Variants in TENM3 observed in about 807,000 individuals in gnomAD.
TENM3 encodes teneurin transmembrane protein 3.
In TENM3, 63 loss-of-function variants were observed where a neutral mutation model predicts 255.1. The observed-to-expected ratio is 0.25, with a 90% CI of 0.20 to 0.30. TENM3 has a LOEUF of 0.30. Ranked by LOEUF, TENM3 falls within the 10% of genes least tolerant of loss-of-function variation. The pLI is 1.00. For synonymous variants in TENM3, 1,306 were observed against 1,322.3 expected, an observed-to-expected ratio of 0.99 and a Z score of 0.27; for missense variants, 2,929 against 3,461.1, an observed-to-expected ratio of 0.85 and a Z score of 3.86.
intron 24 of TENM3, among the ~76,000 whole-genome samples, chr4:182,787,372 G>C (rs958877584): frequency 6.6e-6 from 1 of 152,182 alleles, no homozygotes; most frequent in East Asian, 1.9e-4. Flanking sequence ...CACCACTCCG[G>C]ACTATCTGCT....
At chr4:182,344,814 C>T (rs971024694) in intron 2 of TENM3, among the ~76,000 whole-genome samples, 4 of 152,098 alleles carry the variant, frequency 2.6e-5, no homozygotes, top group African/African-American at 9.7e-5. Flanking sequence ...TTACAAGTGA[C>T]ATATAAATAG....
chr4:181,909,062 A>G, the TENM3 span, among the ~76,000 whole-genome samples: 2 of 152,008 alleles, frequency 1.3e-5, no homozygotes, highest in Admixed American at 1.3e-4. Flanking sequence ...TCCTTTCTGA[A>G]TTCATTTCTT....
intron 1 of TENM3, among the ~76,000 whole-genome samples, chr4:182,273,192 T>G (rs533053492): frequency 1.3e-5 from 2 of 152,330 alleles, no homozygotes; most frequent in South Asian, 4.1e-4. Flanking sequence ...CTGGGCACTA[T>G]GCCCTCTCAG....
chr4:181,711,084 A>G, the TENM3 span, among the ~76,000 whole-genome samples: 2 of 152,184 alleles, frequency 1.3e-5, no homozygotes, highest in Admixed American at 1.3e-4. Context: ...CCTTTTCTAC[A>G]TTAGAAAAAT....
At chr4:182,231,597 G>A (rs1756584841) in intron 1 of TENM3, among the ~76,000 whole-genome samples, 1 of 152,184 alleles carries the variant, frequency 6.6e-6, no homozygotes, top group African/African-American at 2.4e-5. Flanking sequence ...TCTGGCCAAA[G>A]GGTGATGCCC....
chr4:182,555,344 A>G (rs992880611), intron 3 of TENM3, among the ~76,000 whole-genome samples: 4 of 152,214 alleles, frequency 2.6e-5, no homozygotes, highest in Non-Finnish European at 5.9e-5. Context: ...CTGTAATACT[A>G]TGTAAGTCTT....
chr4:181,580,250 G>C, the TENM3 span, among the ~76,000 whole-genome samples: 1 of 151,886 alleles, frequency 6.6e-6, no homozygotes, highest in Non-Finnish European at 1.5e-5. Context: ...CACCAGCCTC[G>C]GCCTCCCAAC....
the TENM3 span, among the ~76,000 whole-genome samples, chr4:182,022,496 C>T: frequency 6.6e-6 from 1 of 150,518 alleles, no homozygotes; most frequent in East Asian, 2.0e-4. Flanking sequence ...ACACAATATG[C>T]CCATGTAACA....
the TENM3 span, among the ~76,000 whole-genome samples, chr4:181,734,876 G>A: frequency 6.6e-6 from 1 of 152,018 alleles, no homozygotes; most frequent in Non-Finnish European, 1.5e-5. Flanking sequence ...CTTGATAGAA[G>A]CAAAGCTTTT....
chr4:182,412,437 A>G (rs1399978658), intron 3 of TENM3, among the ~76,000 whole-genome samples: 1 of 152,244 alleles, frequency 6.6e-6, no homozygotes, highest in East Asian at 1.9e-4. Context: ...AATTAAATTT[A>G]TAAATAAAAT....
At chr4:181,922,945 C>T in the TENM3 span, among the ~76,000 whole-genome samples, 1 of 152,108 alleles carries the variant, frequency 6.6e-6, no homozygotes, top group Non-Finnish European at 1.5e-5. Flanking sequence ...TCTTTGTTCT[C>T]ATTGGTTTCA....
chr4:181,538,020 A>G, the TENM3 span, among the ~76,000 whole-genome samples: 1 of 152,090 alleles, frequency 6.6e-6, no homozygotes, highest in African/African-American at 2.4e-5. Flanking sequence ...TATTTGGTGA[A>G]TTTTTTTGTT....
At chr4:182,447,191 G>T (rs936373049) in intron 3 of TENM3, among the ~76,000 whole-genome samples, 1 of 151,910 alleles carries the variant, frequency 6.6e-6, no homozygotes, top group African/African-American at 2.4e-5. Context: ...GATCATTAAC[G>T]GAGGAATAGA....
the TENM3 span, among the ~76,000 whole-genome samples, chr4:181,498,792 T>A: frequency 6.6e-6 from 1 of 152,174 alleles, no homozygotes; most frequent in Admixed American, 6.5e-5. Flanking sequence ...AATATCACCC[T>A]GTCAGGGGTA....
chr4:182,292,078 A>G (rs796600980), intron 1 of TENM3, among the ~76,000 whole-genome samples: 2 of 152,248 alleles, frequency 1.3e-5, no homozygotes, highest in African/African-American at 4.8e-5. Context: ...TTTTTGCCAT[A>G]TGAGTGCCTT....
chr4:181,525,555 T>C, the TENM3 span, among the ~76,000 whole-genome samples: 2 of 152,188 alleles, frequency 1.3e-5, no homozygotes, highest in African/African-American at 4.8e-5. Context: ...TTGTGTATCA[T>C]TCTTCCTAAT....
the TENM3 span, among the ~76,000 whole-genome samples, chr4:181,520,766 A>G: frequency 6.6e-6 from 1 of 152,182 alleles, no homozygotes; most frequent in Non-Finnish European, 1.5e-5. Context: ...AATATCAGGC[A>G]CCAAATGCAG....
the TENM3 span, among the ~76,000 whole-genome samples, chr4:182,044,440 G>C: frequency 0.025 from 3,809 of 152,206 alleles, 164 homozygotes; most frequent in African/African-American, 0.085. Context: ...CTAAGGTCAC[G>C]CAGATATTTT....
Position 182,259,310 on chromosome 4 carries a change from T to A in TENM3, c.-76+15834T>A, listed in dbSNP as rs966692788. Among the ~76,000 whole-genome samples the A allele has an allele frequency of 2.6e-5, 4 of 152,294 alleles. No individual in the cohort carries two copies. The South Asian group carries it at 6.2e-4, about 24-fold the overall frequency. ...TTATGAATATTCTAAGAAAGTCCTTTATTATGTATTTATTTATTTAGATAC... is the reference window on the plus strand; with the variant it reads ...TTATGAATATTCTAAGAAAGTCCTTAATTATGTATTTATTTATTTAGATAC... On this transcript the variant is annotated intron_variant, in intron 1 of 27. Coordinates refer to ENST00000511685, the MANE Select transcript of TENM3 (RefSeq NM_001080477.4).
Sources: gnomAD v4.1 joint callset for allele counts (sites outside exome capture counted in the v4.1 genomes callset) on GRCh38, gnomAD v4.1.1 for gene constraint, MANE v1.5 for transcripts, NCBI Gene and HGNC (gene_info 2026-07-23, HGNC 2026-07-21) for gene names.